PCDH9: variants seen among roughly 807,000 people sequenced by gnomAD.
PCDH9 encodes the protein protocadherin-9.
In PCDH9, 24 loss-of-function variants were observed where a neutral mutation model predicts 70.6. That is an observed-to-expected ratio of 0.34 (90% CI 0.25 to 0.48). The LOEUF (loss-of-function observed/expected upper bound fraction) is 0.48, where lower values mean the gene tolerates loss of function less well. PCDH9 is among the 20% of genes least tolerant of loss of function. The probability of loss-of-function intolerance (pLI) is 0.99; values close to 1 mark genes in which losing one functional copy is unlikely to be tolerated. For missense variants in PCDH9, 1,281 were observed against 1,503.6 expected (o/e 0.85, Z 2.45); for synonymous variants, 562 against 558.5 (o/e 1.01, Z -0.09).
intron 2 of PCDH9, chr13:67,213,473 C>G (rs1354172173): frequency 6.6e-6 from 1 of 151,964 alleles, no homozygotes; most frequent in Non-Finnish European, 1.5e-5. Flanking sequence ...AGGTCCATGT[C>G]TGCCTATGTG....
At chr13:66,771,868 G>A (rs577515660) in intron 3 of PCDH9, among the ~76,000 whole-genome samples, 3 of 152,284 alleles carry the variant, frequency 2.0e-5, no homozygotes, top group Admixed American at 6.5e-5. Flanking sequence ...GACCCTGATA[G>A]ACATGTTGTG....
At chr13:66,602,597 T>C (rs2077176605) in intron 4 of PCDH9, among the ~76,000 whole-genome samples, 1 of 76,202 alleles carries the variant, frequency 1.3e-5, no homozygotes, top group Non-Finnish European at 3.0e-5. Context: ...CTAAGTGCTA[T>C]TACAAGAGTC....
chr13:66,761,356 T>A (rs535158891), intron 3 of PCDH9, among the ~76,000 whole-genome samples: 3 of 152,146 alleles, frequency 2.0e-5, no homozygotes, highest in African/African-American at 7.2e-5. Flanking sequence ...GCTCCCCCAA[T>A]AGTTGGACAT....
At chr13:67,086,502 C>G (rs1321030028) in intron 2 of PCDH9, among the ~76,000 whole-genome samples, 1 of 151,866 alleles carries the variant, frequency 6.6e-6, no homozygotes, top group African/African-American at 2.4e-5. Flanking sequence ...TGATGTTTTA[C>G]AAAAATAGGT....
intron 3 of PCDH9, among the ~76,000 whole-genome samples, chr13:66,879,080 T>C (rs964798936): frequency 6.6e-6 from 1 of 152,230 alleles, no homozygotes; most frequent in African/African-American, 2.4e-5. Context: ...GCTTCTCTTA[T>C]GGAGTAGACA....
At chr13:66,904,275 C>T (rs1032365907) in intron 2 of PCDH9, among the ~76,000 whole-genome samples, 2 of 152,012 alleles carry the variant, frequency 1.3e-5, no homozygotes, top group African/African-American at 4.8e-5. Flanking sequence ...TAAGATATTA[C>T]ATTATGGCTT....
At chr13:66,568,419 ACACACG>A (rs79706307) in intron 4 of PCDH9, among the ~76,000 whole-genome samples, 21 of 66,426 alleles carry the variant, frequency 3.2e-4, no homozygotes, top group Non-Finnish European at 5.1e-4. Context: ...AGACACATAC[ACACACG>A]CACACGCACA....
intron 2 of PCDH9, chr13:67,210,141 G>T (rs1198656849): frequency 6.6e-6 from 1 of 151,962 alleles, no homozygotes; most frequent in Non-Finnish European, 1.5e-5. Flanking sequence ...AACATTATAA[G>T]AGTAATATTA....
At chr13:67,131,667 G>T (rs969753216) in intron 2 of PCDH9, among the ~76,000 whole-genome samples, 1 of 152,086 alleles carries the variant, frequency 6.6e-6, no homozygotes, top group Non-Finnish European at 1.5e-5. Context: ...AAAATTCAGA[G>T]AATGTTTAGT....
At chr13:66,797,150 T>A (rs974128833) in intron 3 of PCDH9, among the ~76,000 whole-genome samples, 1 of 152,018 alleles carries the variant, frequency 6.6e-6, no homozygotes, top group Non-Finnish European at 1.5e-5. Flanking sequence ...GGTTACAGAG[T>A]TCTTTTGACT....
intron 3 of PCDH9, among the ~76,000 whole-genome samples, chr13:66,805,960 A>T (rs2080403214): frequency 6.6e-6 from 1 of 152,158 alleles, no homozygotes. Context: ...TAGAAAAAAA[A>T]CATTACTTCT....
At chr13:67,084,996 A>G (rs2086073227) in intron 2 of PCDH9, among the ~76,000 whole-genome samples, 1 of 51,982 alleles carries the variant, frequency 1.9e-5, no homozygotes, top group Admixed American at 2.6e-4. Context: ...AAAAAAAAAA[A>G]AATATATATA....
intron 4 of PCDH9, among the ~76,000 whole-genome samples, chr13:66,467,642 C>T (rs1453922080): frequency 6.6e-6 from 1 of 151,982 alleles, no homozygotes; most frequent in African/African-American, 2.4e-5. Context: ...AACTTCAGAA[C>T]TTTGTTTCAG....
At chr13:66,718,519 G>T (rs1442741282) in intron 3 of PCDH9, among the ~76,000 whole-genome samples, 1 of 152,054 alleles carries the variant, frequency 6.6e-6, no homozygotes, top group Non-Finnish European at 1.5e-5. Flanking sequence ...GTATAACTAT[G>T]ACGAATAGAA....
chr13:66,375,453 C>T (rs551458766), intron 4 of PCDH9, among the ~76,000 whole-genome samples: 148 of 152,090 alleles, frequency 9.7e-4, no homozygotes, highest in African/African-American at 3.3e-3. Flanking sequence ...AGTATATTTG[C>T]TCTTCCATTC....
In PCDH9 at chr13:66,602,552, T is replaced by G. The variant is rs2077176184; in HGVS notation, c.3340+28658A>C. 4.1e-5 allele frequency among the ~76,000 whole-genome samples: 6 copies of G among 146,132 alleles called. 1 individual carries two copies. The South Asian group carries it at 1.3e-3, about 32-fold the overall frequency. ...AATAAGGATCTAAAGAAATAAGTAT[T>G]TTTGTACAGCTGTACAATGTATCTG... On this transcript the variant is annotated intron_variant, in intron 4 of 4. Coordinates refer to ENST00000377865, the MANE Select transcript of PCDH9 (RefSeq NM_203487.3).
chr13:66,503,978 G>A (rs139175385), intron 4 of PCDH9, among the ~76,000 whole-genome samples: 14 of 152,122 alleles, frequency 9.2e-5, no homozygotes, highest in African/African-American at 2.2e-4. Flanking sequence ...AGGCTGTGTC[G>A]TAACTACGTG....
intron 2 of PCDH9, among the ~76,000 whole-genome samples, chr13:67,132,482 G>A (rs189217936): frequency 1.3e-5 from 2 of 152,138 alleles, no homozygotes; most frequent in Admixed American, 6.6e-5. Flanking sequence ...TTTACCAACC[G>A]AAAGTGCAAT....
At chr13:66,666,734 C>T (rs2078102851) in intron 3 of PCDH9, among the ~76,000 whole-genome samples, 1 of 151,854 alleles carries the variant, frequency 6.6e-6, no homozygotes, top group South Asian at 2.1e-4. Context: ...AAATAGACTA[C>T]TGTGAGAATC....
Sources: gnomAD v4.1 joint callset for allele counts (sites outside exome capture counted in the v4.1 genomes callset) on GRCh38, gnomAD v4.1.1 for gene constraint, MANE v1.5 for transcripts, NCBI Gene and HGNC (gene_info 2026-07-23, HGNC 2026-07-21) for gene names.